The following PRKG1 variants were observed in gnomAD, a reference collection of about 807,000 sequenced individuals.
The protein encoded by PRKG1 is cGMP-dependent protein kinase 1.
A neutral mutation model predicts 88.1 loss-of-function variants in PRKG1; 35 were observed. That is an observed-to-expected ratio of 0.40 (90% confidence interval 0.30 to 0.53). PRKG1 has a LOEUF of 0.53. Among genes scored for constraint, PRKG1 ranks in the 20% least tolerant of loss-of-function variants. The probability of loss-of-function intolerance (pLI) is 0.59; values close to 1 mark genes in which losing one functional copy is unlikely to be tolerated. For missense variants in PRKG1, 540 were observed against 839.8 expected (o/e 0.64, Z 4.41); for synonymous variants, 303 against 292.5 (o/e 1.04, Z -0.37).
At chr10:51,852,255 G>C (rs1055597586) in intron 4 of PRKG1, among the ~76,000 whole-genome samples, 13 of 144,734 alleles carry the variant, frequency 9.0e-5, no homozygotes, top group African/African-American at 3.5e-4. Flanking sequence ...CATATATAAA[G>C]TATATATATG....
intron 2 of PRKG1, among the ~76,000 whole-genome samples, chr10:51,308,871 G>T (rs755967925): frequency 6.6e-6 from 1 of 152,070 alleles, no homozygotes; most frequent in Non-Finnish European, 1.5e-5. Context: ...TCAAATTTTG[G>T]CAAGGAGCTG....
chr10:51,141,259 C>T (rs1564615698), intron 1 of PRKG1, among the ~76,000 whole-genome samples: 1 of 152,188 alleles, frequency 6.6e-6, no homozygotes, highest in Non-Finnish European at 1.5e-5. Context: ...AATCCCATGT[C>T]TTTTGCATTT....
chr10:51,448,949 T>C (rs1270697305), intron 2 of PRKG1, among the ~76,000 whole-genome samples: 1 of 152,028 alleles, frequency 6.6e-6, no homozygotes, highest in Non-Finnish European at 1.5e-5. Flanking sequence ...AAGTTACACA[T>C]GTAAAACTGA....
chr10:52,097,971 C>CTATCAAGTA (rs1016986932), intron 7 of PRKG1, among the ~76,000 whole-genome samples: 1 of 151,940 alleles, frequency 6.6e-6, no homozygotes, highest in African/African-American at 2.4e-5. Context: ...ATTTGCTTAG[C>CTATCAAGTA]TATCAAGTAC....
intron 2 of PRKG1, among the ~76,000 whole-genome samples, chr10:51,380,597 C>T (rs1405383290): frequency 6.6e-6 from 1 of 151,962 alleles, no homozygotes; most frequent in Non-Finnish European, 1.5e-5. Flanking sequence ...GTCAGGAGTT[C>T]AAGACTGGGA....
chr10:52,049,562 G>A (rs1845938691), intron 5 of PRKG1, among the ~76,000 whole-genome samples: 1 of 152,102 alleles, frequency 6.6e-6, no homozygotes, highest in East Asian at 1.9e-4. Context: ...TCACTTTGAT[G>A]GCAGTGAGAA....
intron 1 of PRKG1, among the ~76,000 whole-genome samples, chr10:51,025,411 G>A (rs961493163): frequency 6.6e-6 from 1 of 152,142 alleles, no homozygotes; most frequent in Non-Finnish European, 1.5e-5. Flanking sequence ...GTCATGGGAT[G>A]TTGACACCCT....
At chr10:51,337,085 A>G (rs1841894738) in intron 2 of PRKG1, among the ~76,000 whole-genome samples, 1 of 152,226 alleles carries the variant, frequency 6.6e-6, no homozygotes, top group African/African-American at 2.4e-5. Flanking sequence ...GGAACAGAAC[A>G]GAGAACTTAG....
At chr10:51,888,128 A>G (rs1179435005) in intron 4 of PRKG1, among the ~76,000 whole-genome samples, 1 of 152,188 alleles carries the variant, frequency 6.6e-6, no homozygotes, top group Admixed American at 6.5e-5. Flanking sequence ...TGATGGTATT[A>G]TGGGTATAGG....
intron 3 of PRKG1, among the ~76,000 whole-genome samples, chr10:51,775,840 T>A (rs1440180803): frequency 6.6e-6 from 1 of 152,156 alleles, no homozygotes; most frequent in African/African-American, 2.4e-5. Context: ...AGCCTAGGCC[T>A]CCCAAAGTGC....
At chr10:51,202,164 A>G (rs1439545189) in intron 2 of PRKG1, among the ~76,000 whole-genome samples, 4 of 152,100 alleles carry the variant, frequency 2.6e-5, no homozygotes, top group African/African-American at 7.2e-5. Flanking sequence ...TCTTCCTCAA[A>G]GCGTTATCTA....
intron 3 of PRKG1, among the ~76,000 whole-genome samples, chr10:51,653,669 C>G (rs1012078670): frequency 6.6e-6 from 1 of 152,046 alleles, no homozygotes; most frequent in South Asian, 2.1e-4. Flanking sequence ...CGAGTTCAAG[C>G]AATTCTCTTG....
intron 10 of PRKG1, among the ~76,000 whole-genome samples, chr10:52,254,716 A>C (rs1174019469): frequency 6.6e-6 from 1 of 152,070 alleles, no homozygotes; most frequent in African/African-American, 2.4e-5. Flanking sequence ...ATGTCAATTT[A>C]GATAAATGTA....
At chr10:51,472,099 G>T (rs541149300) in intron 3 of PRKG1, among the ~76,000 whole-genome samples, 1 of 151,836 alleles carries the variant, frequency 6.6e-6, no homozygotes, top group South Asian at 2.1e-4. Flanking sequence ...TTCTGCCTTG[G>T]TTTGAATCTT....
chr10:51,776,254 A>G (rs888616087), intron 3 of PRKG1, among the ~76,000 whole-genome samples: 29 of 152,158 alleles, frequency 1.9e-4, no homozygotes, highest in African/African-American at 5.8e-4. Context: ...GTTGGTGAGA[A>G]CTATAGTGTA....
At chr10:51,841,653 A>G (rs1449717089) in intron 4 of PRKG1, among the ~76,000 whole-genome samples, 1 of 20,462 alleles carries the variant, frequency 4.9e-5, no homozygotes, top group African/African-American at 3.5e-4. Flanking sequence ...TGAATTTGTT[A>G]AAAAAAAAAG....
At chr10:52,166,430 A>ATTTT (rs71032627) in intron 9 of PRKG1, among the ~76,000 whole-genome samples, 10 of 105,670 alleles carry the variant, frequency 9.5e-5, no homozygotes, top group African/African-American at 1.6e-4. Context: ...TTTGAATATA[A>ATTTT]TTTTTTTTTT....
At chr10:52,252,134 G>C (rs1423952096) in intron 10 of PRKG1, 3 of 153,898 alleles carry the variant, frequency 1.9e-5, no homozygotes, top group Non-Finnish European at 4.3e-5. Context: ...TGATTCTGTA[G>C]TTGCAAGTAC....
intron 2 of PRKG1, among the ~76,000 whole-genome samples, chr10:51,366,909 C>A (rs1842601545): frequency 6.6e-6 from 1 of 151,852 alleles, no homozygotes; most frequent in South Asian, 2.1e-4. Context: ...ACCCTTCCGA[C>A]CCCTCCGACC....
Sources: allele counts gnomAD v4.1 joint callset (sites outside exome capture counted in the v4.1 genomes callset), GRCh38; gene constraint gnomAD v4.1.1; transcripts MANE v1.5; gene names NCBI Gene and HGNC (gene_info 2026-07-23, HGNC 2026-07-21).